Variants in RIF1 observed in about 807,000 individuals in gnomAD.
RIF1 encodes the protein telomere-associated protein RIF1.
Under a neutral mutation model 247.1 loss-of-function variants are expected in RIF1, and 45 were observed. The ratio of observed to expected loss-of-function variants is 0.18; its 90% confidence interval spans 0.14 to 0.23. The LOEUF (loss-of-function observed/expected upper bound fraction) is 0.23, where lower values mean the gene tolerates loss of function less well. Among genes scored for constraint, RIF1 ranks in the 10% least tolerant of loss-of-function variants. The pLI is 1.00. For synonymous variants in RIF1, 1,087 were observed against 978.8 expected (o/e 1.11, Z -2.06); for missense variants, 2,967 against 2,862.5 (o/e 1.04, Z -0.83).
rs1461648163 is a variant in RIF1 at position 151,464,694 on chromosome 2, G to A, written c.5174G>A (p.Arg1725Lys). 1 of 1,612,856 alleles carries A rather than the reference G, an allele frequency of 6.2e-7. No homozygotes were observed. Among genetic ancestry groups the A allele is most frequent in the African/African-American group, 1.3e-5 (1 of 74,864 alleles). Reference protein sequence around the residue: ...TLECQHKRSRRVRRSKGCDCC... With the variant: ...TLECQHKRSRKVRRSKGCDCC... ...GAATGCCAACACAAGAGAAGTAGGA[G>A]GGTGAGGAGATCTAAAGGTTGTGAT... The change falls in exon 30 of 36, where the codon AGG becomes AAG. Residue 1725 changes from arginine (R) to lysine (K), a missense_variant. Physicochemically the swap from Arg to Lys is conservative, Grantham distance 26. Around this residue, in one of 7 missense-constraint regions of RIF1, gnomAD observed 2,028 missense variants for 1,825.6 expected, o/e 1.11. Transcript: ENST00000444746.
At chr2:151,410,173 C>G in intron 1 of RIF1, 140 bp downstream of exon 1, 1 of 648,218 alleles carries the variant, frequency 1.5e-6, no homozygotes. Context: ...TGAAAGCTGC[C>G]CGGGAAAGTG....
chr2:151,466,569 C>T (rs1405799807), intron 30 of RIF1, among the ~76,000 whole-genome samples: 1 of 152,022 alleles, frequency 6.6e-6, no homozygotes, highest in Non-Finnish European at 1.5e-5. Context: ...ACTCATGTGC[C>T]TTCATCAACT....
intron 15 of RIF1, 24 bp from the exon 16 acceptor site, chr2:151,441,881 T>C (rs1044186052): frequency 8.8e-7 from 1 of 1,131,132 alleles, no homozygotes; most frequent in South Asian, 1.4e-5. Flanking sequence ...GCTAATTTAC[T>C]GTAAAACCTT....
chr2:151,496,424 A>G, intron 10 of RIF1: 1 of 1,544,620 alleles, frequency 6.5e-7, no homozygotes, highest in Non-Finnish European at 8.8e-7. Flanking sequence ...TCATTTGTTG[A>G]GAGGTTTTAA....
chr2:151,493,802 C>A (rs769610035), intron 9 of RIF1: 2 of 1,584,566 alleles, frequency 1.3e-6, no homozygotes, highest in Non-Finnish European at 1.7e-6. Flanking sequence ...GATTGCGTTT[C>A]ACTCTTTCCA....
At chr2:151,490,118 G>T in intron 9 of RIF1, 1 of 1,461,062 alleles carries the variant, frequency 6.8e-7, no homozygotes, top group Middle Eastern at 1.8e-4. Flanking sequence ...AAGAAAAATG[G>T]CTAGGTATCC....
At chr2:151,531,146 T>C in the RIF1 span, 1 of 1,238,484 alleles carries the variant, frequency 8.1e-7, no homozygotes, top group Non-Finnish European at 1.2e-6. Flanking sequence ...TGCTTCTCAA[T>C]GTATAATATC....
At chr2:151,467,876 CT>C in intron 30 of RIF1, 123 bp from the exon 31 acceptor site, 1 of 828,476 alleles carries the variant, frequency 1.2e-6, no homozygotes, top group Admixed American at 2.7e-5. Flanking sequence ...GTGCAGCTGA[CT>C]TCTGGTGAAA....
At position 151,501,464 on chromosome 2, in the gene RIF1, A is replaced by C. The variant is rs2064479803; in HGVS notation, c.*710-1570A>C. The C allele has an allele frequency of 4.6e-6, 7 of 1,527,570 alleles. No individual in the cohort carries two copies. The highest frequency in any genetic ancestry group is 6.2e-6 in the Non-Finnish European group (7 of 1,134,290). 94.6% of individuals were successfully genotyped at this position (1,527,570 alleles called of 1,614,324 possible). ...GACAGGTAGGGGAGTCCCCTTGCTC[A>C]AGTTCTCTTTGTACAATATCTGTGT... On this transcript the variant is annotated intron_variant and NMD_transcript_variant, in intron 11 of 13. Coordinates refer to the RIF1 transcript ENST00000454583.
the RIF1 span, among the ~76,000 whole-genome samples, chr2:151,526,574 G>A: frequency 6.6e-6 from 1 of 152,160 alleles, no homozygotes; most frequent in Admixed American, 6.5e-5. Context: ...CGTCTTTACA[G>A]AGGAGGAAAC....
At chr2:151,525,951 C>T in the RIF1 span, 1 of 1,609,608 alleles carries the variant, frequency 6.2e-7, no homozygotes, top group Non-Finnish European at 8.5e-7. Flanking sequence ...GGTGGTTGAT[C>T]ACTTACATCA....
Position 151,464,727 on chromosome 2 carries a change from G to A in RIF1, c.5207G>A (p.Gly1736Glu). Reference sequence around the variant, plus strand: ...AGATCTAAAGGTTGTGATTGCTGTGGGGAAAAATCACAACCTCAGGAAAAG... The same window carrying A: ...AGATCTAAAGGTTGTGATTGCTGTGAGGAAAAATCACAACCTCAGGAAAAG... ...VRRSKGCDCC[G>E]EKSQPQEKSL... Residue 1736 changes from glycine to glutamate, a missense_variant, in exon 30 of 36, where the codon GGG becomes GAG. Physicochemically the swap from Gly to Glu is moderately conservative, Grantham distance 98 (BLOSUM62 -2). Coordinates refer to ENST00000444746, the MANE Select transcript of RIF1 (RefSeq NM_018151.5). 1.2e-6 allele frequency: 2 copies of A among 1,613,306 alleles called. No homozygotes were observed. The highest frequency in any genetic ancestry group is 1.7e-6 in the Non-Finnish European group (2 of 1,179,734).
chr2:151,517,396 C>T, the RIF1 span, among the ~76,000 whole-genome samples: 78 of 152,170 alleles, frequency 5.1e-4, no homozygotes, highest in Non-Finnish European at 9.8e-4. Context: ...GACACGAGGA[C>T]GTTTCTAATA....
chr2:151,492,296 A>C lies in RIF1; in HGVS notation c.*416-2933A>C. Reference sequence around the variant, plus strand: ...TGATATTTCACCTGAAATGTCATGAATTTGCTTTATGAAAATATGATGGTG... The same window carrying C: ...TGATATTTCACCTGAAATGTCATGACTTTGCTTTATGAAAATATGATGGTG... On this transcript the variant is annotated intron_variant and NMD_transcript_variant, in intron 9 of 13. Transcript: ENST00000454583. 1 of 1,606,326 alleles carries C rather than the reference A, an allele frequency of 6.2e-7. No individual in the cohort carries two copies. The highest frequency in any genetic ancestry group is 8.5e-7 in the Non-Finnish European group (1 of 1,175,008).
the RIF1 span, among the ~76,000 whole-genome samples, chr2:151,528,377 G>GT: frequency 5.9e-5 from 9 of 152,030 alleles, no homozygotes; most frequent in Non-Finnish European, 8.8e-5. Context: ...ATTTAATAAG[G>GT]TTTTTTTCCC....
At chr2:151,515,256 C>T in the RIF1 span, among the ~76,000 whole-genome samples, 2 of 152,196 alleles carry the variant, frequency 1.3e-5, no homozygotes, top group African/African-American at 2.4e-5. Flanking sequence ...TGAACTTTCC[C>T]ACACCTTTCT....
At chr2:151,493,484 GAAAA>G in intron 9 of RIF1, 1 of 1,365,984 alleles carries the variant, frequency 7.3e-7, no homozygotes, top group Middle Eastern at 1.8e-4. Context: ...TCAGACAGCA[GAAAA>G]CCAGGTCTGA....
chr2:151,490,375 T>G lies in RIF1; in HGVS notation c.*416-4854T>G, dbSNP rs374806417. The G allele has an allele frequency of 6.3e-7, 1 of 1,588,484 alleles. No homozygotes were observed. The highest frequency in any genetic ancestry group is 1.3e-5 in the African/African-American group (1 of 74,412). ...AATCAGCGCCAGGCACTTGTACCTG[T>G]TGAGACTGCAAAGACACCCCCGTCG... On this transcript the variant is annotated intron_variant and NMD_transcript_variant, in intron 9 of 13. Coordinates refer to the RIF1 transcript ENST00000454583.
intron 24 of RIF1, 152 bp from the exon 25 acceptor site, chr2:151,458,659 C>T (rs943060945): frequency 4.9e-6 from 2 of 410,544 alleles, no homozygotes; most frequent in Admixed American, 4.4e-5. Context: ...TAATTTTTCT[C>T]AGTTTTATAT....
Sources: gnomAD v4.1 joint callset for allele counts (sites outside exome capture counted in the v4.1 genomes callset) on GRCh38, gnomAD v4.1.1 for gene constraint, gnomAD v4.1.1 regional missense constraint, MANE v1.5 for transcripts, NCBI Gene and HGNC (gene_info 2026-07-23, HGNC 2026-07-21) for gene names.